The following CDH2 variants were observed in gnomAD, a reference collection of about 807,000 sequenced individuals.
CDH2 encodes the protein cadherin-2.
CDH2 carries 17 observed loss-of-function variants against 92.0 expected under a neutral mutation model. The ratio of observed to expected loss-of-function variants is 0.18; its 90% confidence interval spans 0.13 to 0.28. The LOEUF (loss-of-function observed/expected upper bound fraction) is 0.28. Among genes scored for constraint, CDH2 ranks in the 10% least tolerant of loss-of-function variants. CDH2 has a pLI of 1.00. For missense variants in CDH2, 862 were observed against 1,133.1 expected, an observed-to-expected ratio of 0.76 and a Z score of 3.44; for synonymous variants, 419 against 415.9, an observed-to-expected ratio of 1.01 and a Z score of -0.09.
chr18:28,045,608 G>A, intron 2 of CDH2: 1 of 312,674 alleles, frequency 3.2e-6, no homozygotes. Flanking sequence ...AAGCACCTGG[G>A]CCAGTGGCTA....
intron 2 of CDH2, among the ~76,000 whole-genome samples, chr18:28,131,252 A>G (rs2015764644): frequency 6.6e-6 from 1 of 152,196 alleles, no homozygotes; most frequent in South Asian, 2.1e-4. Flanking sequence ...AAATACTAAA[A>G]CATACAACTG....
chr18:27,978,892 G>A (rs956990467), intron 14 of CDH2, among the ~76,000 whole-genome samples: 2 of 151,858 alleles, frequency 1.3e-5, no homozygotes, highest in Admixed American at 6.6e-5. Flanking sequence ...CTAGGCTTAA[G>A]TAATCCTCCT....
intron 10 of CDH2, among the ~76,000 whole-genome samples, chr18:27,989,446 A>G (rs1024962733): frequency 6.6e-6 from 1 of 152,184 alleles, no homozygotes; most frequent in African/African-American, 2.4e-5. Context: ...ACATTTAATA[A>G]AAGATAACAA....
At chr18:28,136,792 C>A (rs1047168946) in intron 2 of CDH2, among the ~76,000 whole-genome samples, 1 of 152,074 alleles carries the variant, frequency 6.6e-6, no homozygotes, top group African/African-American at 2.4e-5. Context: ...CACGCTAAGA[C>A]CAAATATCTA....
chr18:28,128,582 A>G (rs937280361), intron 2 of CDH2, among the ~76,000 whole-genome samples: 1 of 151,952 alleles, frequency 6.6e-6, no homozygotes, highest in African/African-American at 2.4e-5. Context: ...GCTACTTGGG[A>G]GGCTGAGATA....
At chr18:28,108,822 C>T (rs888095882) in intron 2 of CDH2, among the ~76,000 whole-genome samples, 14 of 150,898 alleles carry the variant, frequency 9.3e-5, no homozygotes, top group Non-Finnish European at 1.6e-4. Context: ...ATTTTCTTAA[C>T]CTCACGTAGA....
rs562081016 is a variant in CDH2, at chr18:27,954,534, A to C, written c.2515-2175T>G. On this transcript the variant is annotated intron_variant, in intron 15 of 15. Coordinates refer to ENST00000269141, the MANE Select transcript of CDH2 (RefSeq NM_001792.5). ...CTCTGCCAGGAGAATGGCCTGCTCC[A>C]GATGGGAAGTTTATCTGCCTGGATC... 3 of 152,422 alleles carry C rather than the reference A, an allele frequency of 2.0e-5. No homozygotes were observed. The South Asian group carries it at 6.2e-4, about 32-fold the overall frequency. 9.4% of individuals were successfully genotyped at this position (152,422 alleles called of 1,614,324 possible). A position where few individuals can be genotyped will look rare whatever the true frequency, so the allele number is the denominator to read the frequency against.
chr18:28,050,077 A>T (rs2014160876), intron 2 of CDH2, among the ~76,000 whole-genome samples: 1 of 152,288 alleles, frequency 6.6e-6, no homozygotes, highest in Middle Eastern at 3.4e-3. Context: ...TGCAGCGTGG[A>T]TCTAAGCCCA....
At chr18:28,149,563 A>G (rs2016089230) in intron 1 of CDH2, among the ~76,000 whole-genome samples, 1 of 152,352 alleles carries the variant, frequency 6.6e-6, no homozygotes, top group African/African-American at 2.4e-5. Flanking sequence ...TGCAAAAAAA[A>G]GTAGAAATCA....
intron 11 of CDH2, 26 bp downstream of exon 11, chr18:27,988,497 AC>A: frequency 6.2e-7 from 1 of 1,601,240 alleles, no homozygotes; most frequent in Non-Finnish European, 8.5e-7. Context: ...TCTTTCATCA[AC>A]ATACAAGAAA....
intron 2 of CDH2, among the ~76,000 whole-genome samples, chr18:28,135,964 T>C (rs1269374160): frequency 1.3e-5 from 2 of 152,222 alleles, no homozygotes; most frequent in Non-Finnish European, 2.9e-5. Context: ...AAATACATAG[T>C]TACTTCCTTA....
intron 14 of CDH2, among the ~76,000 whole-genome samples, chr18:27,981,226 A>G (rs1364344194): frequency 6.6e-6 from 1 of 152,140 alleles, no homozygotes; most frequent in Non-Finnish European, 1.5e-5. Context: ...AGTATGCAAA[A>G]TTACACAAAA....
chr18:28,146,171 A>T (rs2016031854), intron 2 of CDH2: 1 of 152,138 alleles, frequency 6.6e-6, no homozygotes, highest in Non-Finnish European at 1.5e-5. Flanking sequence ...ACAACAAATT[A>T]TAAGCTTTTA....
chr18:27,970,577 T>A (rs981057112), intron 14 of CDH2, among the ~76,000 whole-genome samples: 1 of 152,356 alleles, frequency 6.6e-6, no homozygotes, highest in East Asian at 1.9e-4. Flanking sequence ...TTTGATTTTT[T>A]AAAATCCTTG....
At position 28,069,288 on chromosome 18, in the gene CDH2, T is replaced by A. The variant is rs1210949505; in HGVS notation, c.173-55379A>T. 2.6e-5 allele frequency among the ~76,000 whole-genome samples: 4 copies of A among 152,296 alleles called. No homozygotes were observed. The East Asian group carries it at 7.7e-4, about 29-fold the overall frequency. On this transcript the variant is annotated intron_variant, in intron 2 of 15. Coordinates refer to ENST00000269141, the MANE Select transcript of CDH2 (RefSeq NM_001792.5). ...TTGACATGGTTCTTCAAAATTTGTT[T>A]GAGGCAACAATCTAAAAAGGTCTAT...
At chr18:27,957,672 T>A (rs2011286624) in intron 15 of CDH2, among the ~76,000 whole-genome samples, 2 of 152,262 alleles carry the variant, frequency 1.3e-5, no homozygotes, top group Middle Eastern at 3.4e-3. Context: ...AGGTATTCTA[T>A]AAGGTAACTA....
At chr18:28,144,590 C>T (rs755941206) in intron 2 of CDH2, among the ~76,000 whole-genome samples, 1 of 152,046 alleles carries the variant, frequency 6.6e-6, no homozygotes, top group East Asian at 1.9e-4. Flanking sequence ...TCAAAGATCT[C>T]TAAAAAGAAT....
chr18:28,056,204 G>C (rs933494904), intron 2 of CDH2, among the ~76,000 whole-genome samples: 1 of 152,076 alleles, frequency 6.6e-6, no homozygotes, highest in African/African-American at 2.4e-5. Context: ...GTAGAACATG[G>C]ATTTTGTGAA....
chr18:28,037,662 G>A (rs917327267), intron 2 of CDH2, among the ~76,000 whole-genome samples: 27 of 152,166 alleles, frequency 1.8e-4, no homozygotes, highest in Admixed American at 3.3e-4. Context: ...CTTAAAATAA[G>A]GAATTCATAC....
Sources: allele counts gnomAD v4.1 joint callset (sites outside exome capture counted in the v4.1 genomes callset), GRCh38; gene constraint gnomAD v4.1.1; transcripts MANE v1.5; gene names NCBI Gene and HGNC (gene_info 2026-07-23, HGNC 2026-07-21).